ITGBL1: variants seen among roughly 807,000 people sequenced by gnomAD.
ITGBL1 encodes integrin beta-like protein 1.
A neutral mutation model predicts 68.5 loss-of-function variants in ITGBL1; 51 were observed. The ratio of observed to expected loss-of-function variants is 0.74; its 90% CI spans 0.59 to 0.94. The LOEUF is 0.94. Ranked by LOEUF, ITGBL1 falls within the 40% of genes least tolerant of loss-of-function variation. The probability of loss-of-function intolerance (pLI) is 0.00; values close to 1 mark genes in which losing one functional copy is unlikely to be tolerated. For synonymous variants in ITGBL1, 209 were observed against 227.3 expected (o/e 0.92, Z 0.72); for missense variants, 649 against 647.4 (o/e 1.00, Z -0.03).
At chr13:101,697,234 TA>T (rs796442491) in intron 8 of ITGBL1, among the ~76,000 whole-genome samples, 1 of 151,874 alleles carries the variant, frequency 6.6e-6, no homozygotes, top group Non-Finnish European at 1.5e-5. Context: ...CTTTCAAAAT[TA>T]AAAAAATATA....
chr13:101,665,394 CAT>C (rs1467419626), intron 7 of ITGBL1, among the ~76,000 whole-genome samples: 1 of 151,740 alleles, frequency 6.6e-6, no homozygotes, highest in African/African-American at 2.4e-5. Flanking sequence ...TTATAAATGA[CAT>C]AATTTTAAAA....
chr13:101,693,839 T>C (rs1342083088), intron 8 of ITGBL1, among the ~76,000 whole-genome samples: 1 of 152,172 alleles, frequency 6.6e-6, no homozygotes, highest in Admixed American at 6.6e-5. Context: ...GGTTAGACTT[T>C]TTTGAATTTT....
At chr13:101,691,490 CA>C (rs552556540) in intron 7 of ITGBL1, among the ~76,000 whole-genome samples, 213 of 152,252 alleles carry the variant, frequency 1.4e-3, no homozygotes, top group African/African-American at 5.1e-3. Flanking sequence ...TGACTAACAA[CA>C]TTGCAAGGTC....
chr13:101,592,413 C>A (rs1035400531), intron 6 of ITGBL1, among the ~76,000 whole-genome samples: 1 of 151,870 alleles, frequency 6.6e-6, no homozygotes. Flanking sequence ...TATCTGCGGT[C>A]GTGTCAAAAA....
At chr13:101,480,687 AATTC>A (rs2048606267) in intron 2 of ITGBL1, among the ~76,000 whole-genome samples, 1 of 151,658 alleles carries the variant, frequency 6.6e-6, no homozygotes, top group South Asian at 2.1e-4. Flanking sequence ...TAAAAAAATA[AATTC>A]AGAGTAAAAA....
chr13:101,612,262 G>A (rs2031166399), intron 7 of ITGBL1, among the ~76,000 whole-genome samples: 1 of 152,212 alleles, frequency 6.6e-6, no homozygotes, highest in South Asian at 2.1e-4. Flanking sequence ...CTTAAGATTT[G>A]GATGGTCTCT....
chr13:101,637,501 A>G (rs1016684084), intron 7 of ITGBL1, among the ~76,000 whole-genome samples: 2 of 151,754 alleles, frequency 1.3e-5, no homozygotes, highest in Non-Finnish European at 2.9e-5. Context: ...GTGCCACCAC[A>G]CCTGGCTGAA....
intron 7 of ITGBL1, among the ~76,000 whole-genome samples, chr13:101,640,589 TA>T (rs916931078): frequency 2.0e-5 from 3 of 152,200 alleles, no homozygotes; most frequent in Non-Finnish European, 4.4e-5. Flanking sequence ...TTGTGGTCTT[TA>T]AATTTTTTTA....
chr13:101,519,877 C>T (rs889829936), intron 2 of ITGBL1, among the ~76,000 whole-genome samples: 95 of 152,186 alleles, frequency 6.2e-4, no homozygotes, highest in African/African-American at 2.2e-3. Context: ...AAGGAGGTCC[C>T]CATTTCTACA....
At chr13:101,560,214 A>G (rs1204628737) in intron 2 of ITGBL1, among the ~76,000 whole-genome samples, 1 of 152,210 alleles carries the variant, frequency 6.6e-6, no homozygotes, top group African/African-American at 2.4e-5. Context: ...TTAGGAATCT[A>G]TGGTGGCTCA....
chr13:101,666,120 G>T (rs1346162835), intron 7 of ITGBL1, among the ~76,000 whole-genome samples: 1 of 152,050 alleles, frequency 6.6e-6, no homozygotes, highest in Non-Finnish European at 1.5e-5. Flanking sequence ...ATTATCTTTG[G>T]AGAATGTCTG....
chr13:101,606,887 A>C (rs1179951563), intron 7 of ITGBL1, among the ~76,000 whole-genome samples: 1 of 152,084 alleles, frequency 6.6e-6, no homozygotes, highest in Non-Finnish European at 1.5e-5. Flanking sequence ...TCGGTTCCCC[A>C]TATAAAATGT....
At chr13:101,462,991 C>T (rs1454529158) in intron 2 of ITGBL1, among the ~76,000 whole-genome samples, 4 of 152,096 alleles carry the variant, frequency 2.6e-5, no homozygotes, top group Non-Finnish European at 5.9e-5. Flanking sequence ...TGTCACTTGC[C>T]CACTGTGGAG....
intron 2 of ITGBL1, chr13:101,490,038 G>T: frequency 2.5e-6 from 3 of 1,192,480 alleles, no homozygotes; most frequent in Admixed American, 2.0e-5. Flanking sequence ...TTAGCATTTT[G>T]TTATGGACTG....
intron 9 of ITGBL1, chr13:101,710,869 G>GA (rs2034432976): frequency 6.6e-6 from 1 of 152,154 alleles, no homozygotes; most frequent in Non-Finnish European, 1.5e-5. Flanking sequence ...TCACTCCATA[G>GA]AAAAATTTAA....
At chr13:101,530,106 C>T (rs1594869118) in intron 2 of ITGBL1, among the ~76,000 whole-genome samples, 1 of 152,036 alleles carries the variant, frequency 6.6e-6, no homozygotes, top group South Asian at 2.1e-4. Flanking sequence ...ACAGGTGGTA[C>T]ACATTAAACA....
chr13:101,712,500 A>G (rs907781139), intron 9 of ITGBL1: 2 of 152,224 alleles, frequency 1.3e-5, no homozygotes, highest in African/African-American at 4.8e-5. Flanking sequence ...AAGATGAAAT[A>G]TAAGATATTT....
At chr13:101,560,338 T>C (rs1258587615) in intron 2 of ITGBL1, among the ~76,000 whole-genome samples, 1 of 152,124 alleles carries the variant, frequency 6.6e-6, no homozygotes, top group African/African-American at 2.4e-5. Context: ...ACAAAGCAAA[T>C]GAATTTTAGC....
intron 2 of ITGBL1, among the ~76,000 whole-genome samples, chr13:101,533,688 A>G (rs769051455): frequency 2.0e-5 from 3 of 152,238 alleles, no homozygotes. Flanking sequence ...ATTAAACTTT[A>G]TAACAGAGAA....
Sources: gnomAD v4.1 joint callset for allele counts (sites outside exome capture counted in the v4.1 genomes callset) on GRCh38, gnomAD v4.1.1 for gene constraint, MANE v1.5 for transcripts, NCBI Gene and HGNC (gene_info 2026-07-23, HGNC 2026-07-21) for gene names.